CIAO2B: variants seen among roughly 807,000 people sequenced by gnomAD.
The protein encoded by CIAO2B is MSS19-interacting protein of 18 kDa.
A neutral mutation model predicts 16.4 loss-of-function variants in CIAO2B; 20 were observed. The observed-to-expected ratio is 1.22, with a 90% CI of 0.86 to 1.77. The LOEUF (loss-of-function observed/expected upper bound fraction) is 1.77, where lower values mean the gene tolerates loss of function less well. Ranked by LOEUF, CIAO2B falls within the 40% of genes most tolerant of loss-of-function variation. The pLI is 0.00. For missense variants in CIAO2B, 215 were observed against 222.4 expected, an observed-to-expected ratio of 0.97 and a Z score of 0.21; for synonymous variants, 106 against 90.4, an observed-to-expected ratio of 1.17 and a Z score of -0.98.
rs1199893000 is a variant in CIAO2B at position 66,934,159 on chromosome 16, C to G, written c.142+64G>C. On this transcript the variant is annotated intron_variant, in intron 1 of 4. Coordinates refer to ENST00000422424, the MANE Select transcript of CIAO2B (RefSeq NM_016062.4). This position sits in a 1 kb window ranked among gnomAD's most constrained non-coding sequence, Gnocchi z 4.1. ...CTGGGATGCGGCTCCACCAGCTGCT[C>G]GATATCACTGCTCCCCCCACCGCAA... The G allele has an allele frequency of 1.1e-5, 17 of 1,610,482 alleles. No individual in the cohort carries two copies. Among genetic ancestry groups the G allele is most frequent in the Non-Finnish European group, 1.4e-5 (16 of 1,178,750 alleles).
At chr16:66,933,177 T>C (rs909921325) in intron 3 of CIAO2B, among the ~76,000 whole-genome samples, 1 of 151,798 alleles carries the variant, frequency 6.6e-6, no homozygotes, top group Non-Finnish European at 1.5e-5. Context: ...TTAGTAGAGA[T>C]GAGATTTCAC....
chr16:66,932,821 T>C lies in CIAO2B; in HGVS notation c.353A>G (p.Asp118Gly), dbSNP rs1390029644. Residue 118 changes from aspartate (D) to glycine (G), a missense_variant, in exon 4 of 5, where the codon GAC becomes GGC. By Grantham distance (94) the Asp-to-Gly change is moderately conservative (BLOSUM62 -1). Coordinates refer to ENST00000422424, the MANE Select transcript of CIAO2B (RefSeq NM_016062.4). The part of the protein sequence containing the change: ...LRSLPQRFKM[D>G]VHITPGTHAS... ...ATGGGTCCCCGGAGTAATGTGCACG[T>C]CCATCTGGGAGGGAGATAACCAGGG... 6.2e-7 allele frequency: 1 copy of C among 1,611,924 alleles called. No individual in the cohort carries two copies. The highest frequency in any genetic ancestry group is 8.5e-7 in the Non-Finnish European group (1 of 1,179,070).
chr16:66,934,292 C>T lies in CIAO2B; in HGVS notation c.73G>A (p.Glu25Lys), dbSNP rs774549089. 4 of 1,608,186 alleles carry T rather than the reference C, an allele frequency of 2.5e-6. No homozygotes were observed. The highest frequency in any genetic ancestry group is 2.5e-6 in the Non-Finnish European group (3 of 1,179,440). Residue 25 changes from glutamate to lysine, a missense_variant, in exon 1 of 5, where the codon GAG becomes AAG. Physicochemically the swap from Glu to Lys is moderately conservative, Grantham distance 56. Coordinates refer to ENST00000422424, the MANE Select transcript of CIAO2B (RefSeq NM_016062.4). The surrounding 1 kb of genome is among the most constrained non-coding windows in gnomAD (Gnocchi z 4.1). The stretch of plus-strand genomic sequence containing the variant: ...TCCTCGCCTGCCGTCACAGGCCGCT[C>T]CCCAGAGCGCTGGTAGATGAGGGGG... ...ANPLIYQRSGERPVTAGEEDE... is the reference protein window; with the variant it reads ...ANPLIYQRSGKRPVTAGEEDE...
chr16:66,932,853 C>A, intron 3 of CIAO2B, 28 bp from the exon 4 acceptor site: 2 of 1,609,236 alleles, frequency 1.2e-6, no homozygotes, highest in Non-Finnish European at 1.7e-6. Context: ...AGGGCCTGAA[C>A]ACCCACCCAC....
chr16:66,933,854 AT>A (rs1963120823), intron 2 of CIAO2B, 115 bp from the exon 3 acceptor site: 1 of 1,538,260 alleles, frequency 6.5e-7, no homozygotes, highest in African/African-American at 1.4e-5. Flanking sequence ...TTCAACACCC[AT>A]AAAATAGGCA....
Position 66,933,739 on chromosome 16 carries a change from C to T in CIAO2B, c.223G>A (p.Val75Ile), listed in dbSNP as rs1209834398. Reference protein sequence around the residue: ...LNVVEQVRVQVSDPESTVAVA... With the variant: ...LNVVEQVRVQISDPESTVAVA... ...GCCACTGTACTCTCGGGGTCGCTAA[C>T]CTGGTTGTGGAGGAGAGATGTCAAG... is the stretch of plus-strand genomic sequence containing the variant. Residue 75 changes from valine to isoleucine, a missense_variant and splice_region_variant, in exon 3 of 5, where the codon GTT becomes ATT. Val to Ile is a conservative substitution (Grantham distance 29). Coordinates refer to ENST00000422424, the MANE Select transcript of CIAO2B (RefSeq NM_016062.4). 5 of 1,546,934 alleles carry T rather than the reference C, an allele frequency of 3.2e-6. No individual in the cohort carries two copies. In the East Asian group the frequency reaches 7.3e-5, roughly 23 times the overall value.
rs549302657 is a variant in CIAO2B at position 66,932,204 on chromosome 16, C to G, written c.491G>C (p.Ter164SerextTer34). Reference protein sequence around the residue: ...VVNQCLSARS* With the variant: ...VVNQCLSARSS Reference sequence around the variant, plus strand: ...AGGCTGAGGGGTCAAAGGCCAGGCTCAGGAGCGGGCTGACAGGCACTGATT... The same window carrying G: ...AGGCTGAGGGGTCAAAGGCCAGGCTGAGGAGCGGGCTGACAGGCACTGATT... The change falls in exon 5 of 5, where the codon TGA becomes TCA. Residue 164 changes from the stop codon to serine (S), a stop_lost. Transcript: ENST00000422424. 1 of 1,611,422 alleles carries G rather than the reference C, an allele frequency of 6.2e-7. No homozygotes were observed. Among genetic ancestry groups the G allele is most frequent in the East Asian group, 2.2e-5 (1 of 44,816 alleles).
Position 66,934,160 on chromosome 16 carries a change from G to A in CIAO2B, c.142+63C>T. On this transcript the variant is annotated intron_variant, in intron 1 of 4. Coordinates refer to ENST00000422424, the MANE Select transcript of CIAO2B (RefSeq NM_016062.4). The surrounding 1 kb of genome is among the most constrained non-coding windows in gnomAD (Gnocchi z 4.1). ...TGGGATGCGGCTCCACCAGCTGCTC[G>A]ATATCACTGCTCCCCCCACCGCAAG... The A allele has an allele frequency of 1.2e-6, 2 of 1,610,652 alleles. No homozygotes were observed. The highest frequency in any genetic ancestry group is 1.7e-6 in the Non-Finnish European group (2 of 1,178,832).
chr16:66,932,443 C>A, intron 4 of CIAO2B, 143 bp from the exon 5 acceptor site: 1 of 754,958 alleles, frequency 1.3e-6, no homozygotes, highest in Non-Finnish European at 2.3e-6. Flanking sequence ...CCCAGGACCC[C>A]ACATATTGAT....
Position 66,932,248 on chromosome 16 carries a change from G to A in CIAO2B, c.447C>T (p.Thr149=). The A allele has an allele frequency of 6.2e-7, 1 of 1,613,856 alleles. No individual in the cohort carries two copies. The highest frequency in any genetic ancestry group is 2.2e-5 in the East Asian group (1 of 44,880). Residue 149 remains threonine (T), a synonymous_variant, in exon 5 of 5, where the codon ACC becomes ACT. Coordinates refer to ENST00000422424, the MANE Select transcript of CIAO2B (RefSeq NM_016062.4). The part of the protein sequence containing the change: ...KERVAAALEN[T]HLLEVVNQCL... Reference sequence around the variant, plus strand: ...ACTGATTCACAACCTCCAAGAGGTGGGTGTTCTCCAGGGCAGCTGCCACCC... The same window carrying A: ...ACTGATTCACAACCTCCAAGAGGTGAGTGTTCTCCAGGGCAGCTGCCACCC...
chr16:66,933,739 C>G lies in CIAO2B; in HGVS notation c.223G>C (p.Val75Leu). 1 of 1,547,054 alleles carries G rather than the reference C, an allele frequency of 6.5e-7. No individual in the cohort carries two copies. The highest frequency in any genetic ancestry group is 2.4e-5 in the East Asian group (1 of 41,010). Residue 75 changes from valine (V) to leucine (L), a missense_variant and splice_region_variant, in exon 3 of 5, where the codon GTT becomes CTT. Transcript: ENST00000422424. ...GCCACTGTACTCTCGGGGTCGCTAA[C>G]CTGGTTGTGGAGGAGAGATGTCAAG... is the stretch of plus-strand genomic sequence containing the variant. ...LNVVEQVRVQ[V>L]SDPESTVAVA...
Position 66,932,749 on chromosome 16 carries a change from G to A in CIAO2B, c.394+31C>T, listed in dbSNP as rs747601700. Reference sequence around the variant, plus strand: ...CTCAGACTGCTTAGGGGGTGCCCGGGCCAACACCCTCACCACCAGTCCACA... The same window carrying A: ...CTCAGACTGCTTAGGGGGTGCCCGGACCAACACCCTCACCACCAGTCCACA... On this transcript the variant is annotated intron_variant, in intron 4 of 4. Transcript: ENST00000422424. The A allele has an allele frequency of 3.7e-6, 6 of 1,600,436 alleles. No individual in the cohort carries two copies. The African/African-American group carries it at 6.7e-5, about 18-fold the overall frequency.
rs1295596197 is a variant in CIAO2B at position 66,932,787 on chromosome 16, C to A, written c.387G>T (p.Glu129Asp). ...CCACCAGTCCACACTTACCTGCATG[C>A]TCTGAGGCATGGGTCCCCGGAGTAA... ...VHITPGTHAS[E>D]HAVNKQLADK... The change falls in exon 4 of 5, where the codon GAG becomes GAT. Residue 129 changes from glutamate to aspartate, a missense_variant. Coordinates refer to ENST00000422424, the MANE Select transcript of CIAO2B (RefSeq NM_016062.4). The A allele has an allele frequency of 3.7e-6, 6 of 1,611,022 alleles. No individual in the cohort carries two copies. Among genetic ancestry groups the A allele is most frequent in the Non-Finnish European group, 5.1e-6 (6 of 1,178,742 alleles).
intron 3 of CIAO2B, among the ~76,000 whole-genome samples, chr16:66,933,253 T>G (rs964941928): frequency 3.3e-5 from 5 of 152,194 alleles, no homozygotes; most frequent in Admixed American, 6.5e-5. Flanking sequence ...CCTCCCAAAG[T>G]GCTGGGATTA....
chr16:66,932,261 G>A lies in CIAO2B; in HGVS notation c.434C>T (p.Ala145Val). 1 of 1,613,896 alleles carries A rather than the reference G, an allele frequency of 6.2e-7. No homozygotes were observed. Among genetic ancestry groups the A allele is most frequent in the Non-Finnish European group, 8.5e-7 (1 of 1,179,850 alleles). ...CTCCAAGAGGTGGGTGTTCTCCAGG[G>A]CAGCTGCCACCCGCTCCTTATCTGC... ...QLADKERVAA[A>V]LENTHLLEVV... The change falls in exon 5 of 5, where the codon GCC becomes GTC. Residue 145 changes from alanine (A) to valine (V), a missense_variant. By Grantham distance (64) the Ala-to-Val change is moderately conservative. Transcript: ENST00000422424.
In CIAO2B at chr16:66,932,311, A is replaced by G; in HGVS notation, c.395-11T>C. On this transcript the variant is annotated splice_polypyrimidine_tract_variant and intron_variant, in intron 4 of 4. Transcript: ENST00000422424. ...CAAGTTGCTTGTTCACTAGGTGGGAAGAAGGGTGTGGGGAAGGCAGAGTCA... is the reference window on the plus strand; with the variant it reads ...CAAGTTGCTTGTTCACTAGGTGGGAGGAAGGGTGTGGGGAAGGCAGAGTCA... 6.2e-7 allele frequency: 1 copy of G among 1,611,880 alleles called. No homozygotes were observed. The highest frequency in any genetic ancestry group is 1.1e-5 in the South Asian group (1 of 90,958).
Position 66,932,809 on chromosome 16 carries a change from G to C in CIAO2B, c.365C>G (p.Thr122Ser). Residue 122 changes from threonine to serine, a missense_variant, in exon 4 of 5, where the codon ACT becomes AGT. Transcript: ENST00000422424. ...ATGCTCTGAGGCATGGGTCCCCGGA[G>C]TAATGTGCACGTCCATCTGGGAGGG... ...PQRFKMDVHI[T>S]PGTHASEHAV... is the part of the protein sequence containing the mutation. The C allele has an allele frequency of 6.2e-7, 1 of 1,612,204 alleles. No individual in the cohort carries two copies. Among genetic ancestry groups the C allele is most frequent in the Non-Finnish European group, 8.5e-7 (1 of 1,179,184 alleles).
chr16:66,933,614 C>G lies in CIAO2B; in HGVS notation c.348G>C (p.Lys116Asn). The change falls in exon 3 of 5, where the codon AAG becomes AAC. Residue 116 changes from lysine to asparagine, a missense_variant and splice_region_variant. Transcript: ENST00000422424. ...CTCCCGGGGCTCAGCTCCAACTGAC[C>G]TTGAAACGCTGAGGAAGGGAGCGCA... The part of the protein sequence containing the change: ...KLLRSLPQRF[K>N]MDVHITPGTH... 2 of 1,609,748 alleles carry G rather than the reference C, an allele frequency of 1.2e-6. No homozygotes were observed. Among genetic ancestry groups the G allele is most frequent in the African/African-American group, 2.7e-5 (2 of 74,914 alleles).
intron 4 of CIAO2B, 80 bp downstream of exon 4, chr16:66,932,700 T>C: frequency 1.3e-6 from 2 of 1,490,038 alleles, no homozygotes; most frequent in Non-Finnish European, 1.8e-6. Flanking sequence ...GTCTTGCCCA[T>C]AGACTCCTGT....
Sources: allele counts gnomAD v4.1 joint callset (sites outside exome capture counted in the v4.1 genomes callset), GRCh38; gene constraint gnomAD v4.1.1; non-coding constraint Gnocchi (gnomAD v3.1); transcripts MANE v1.5; gene names NCBI Gene and HGNC (gene_info 2026-07-23, HGNC 2026-07-21).